Variants in MAML3 observed in about 807,000 individuals in gnomAD.
MAML3 encodes the protein mastermind-like protein 3.
Under a neutral mutation model 101.9 loss-of-function variants are expected in MAML3, and 27 were observed. The ratio of observed to expected loss-of-function variants is 0.27; its 90% CI spans 0.20 to 0.37. The LOEUF is 0.37. MAML3 is among the 10% of genes least tolerant of loss of function. The probability of loss-of-function intolerance (pLI) is 1.00; values close to 1 mark genes in which losing one functional copy is unlikely to be tolerated. For missense variants in MAML3, 1,316 were observed against 1,444.9 expected (o/e 0.91, Z 1.45); for synonymous variants, 501 against 555.9 (o/e 0.90, Z 1.39).
In MAML3 at chr4:139,974,602, C is replaced by T. The variant is rs889612454; in HGVS notation, c.469-83635G>A. On this transcript the variant is annotated intron_variant, in intron 1 of 4. Transcript: ENST00000509479. ...ACATTGCTGGGCTTCTATTTCCTCA[C>T]TGGTAAAATGAAGGAGTCAGAAGAG... is the stretch of plus-strand genomic sequence containing the variant. Among the ~76,000 whole-genome samples the T allele has an allele frequency of 5.3e-5, 8 of 152,078 alleles. No homozygotes were observed. The South Asian group carries it at 6.2e-4, about 12-fold the overall frequency.
chr4:139,963,273 A>T (rs1016718209), intron 1 of MAML3, among the ~76,000 whole-genome samples: 3 of 152,188 alleles, frequency 2.0e-5, no homozygotes, highest in Non-Finnish European at 4.4e-5. Context: ...TAACTAAATA[A>T]ATAAACAAAC....
At chr4:139,939,924 C>T (rs1232299783) in intron 1 of MAML3, among the ~76,000 whole-genome samples, 1 of 152,110 alleles carries the variant, frequency 6.6e-6, no homozygotes, top group Non-Finnish European at 1.5e-5. Context: ...GCCACCACAC[C>T]CAGCTAATTT....
intron 1 of MAML3, among the ~76,000 whole-genome samples, chr4:139,892,906 G>A (rs1387584595): frequency 1.3e-5 from 2 of 150,206 alleles, no homozygotes; most frequent in Non-Finnish European, 3.0e-5. Context: ...ACTCCAGCCT[G>A]GGTGATAGAG....
intron 2 of MAML3, among the ~76,000 whole-genome samples, chr4:139,734,957 G>A (rs543526861): frequency 1.3e-5 from 2 of 152,362 alleles, no homozygotes; most frequent in East Asian, 1.9e-4. Context: ...AGCAGCTGCC[G>A]TTCTTCCCGC....
chr4:139,937,321 A>G (rs1733526255), intron 1 of MAML3, among the ~76,000 whole-genome samples: 1 of 152,130 alleles, frequency 6.6e-6, no homozygotes, highest in Non-Finnish European at 1.5e-5. Context: ...AAGATTTCAT[A>G]TTATTGATGA....
At chr4:139,994,089 T>C (rs1185418174) in intron 1 of MAML3, among the ~76,000 whole-genome samples, 1 of 152,222 alleles carries the variant, frequency 6.6e-6, no homozygotes, top group Non-Finnish European at 1.5e-5. Context: ...TGAAAGACAA[T>C]AGTTTTCTCC....
intron 1 of MAML3, among the ~76,000 whole-genome samples, chr4:140,044,719 G>A (rs1727151263): frequency 6.6e-6 from 1 of 152,136 alleles, no homozygotes; most frequent in Non-Finnish European, 1.5e-5. Context: ...ATGGTAAAAT[G>A]CTTATGCCTG....
At chr4:139,840,128 A>G (rs1731335750) in intron 2 of MAML3, among the ~76,000 whole-genome samples, 2 of 152,228 alleles carry the variant, frequency 1.3e-5, no homozygotes, top group Admixed American at 6.5e-5. Context: ...AAAGACCTGG[A>G]TGGAGACTGC....
intron 2 of MAML3, among the ~76,000 whole-genome samples, chr4:139,815,068 G>A (rs795992): frequency 0.75 from 114,455 of 152,086 alleles, 43,114 homozygotes; most frequent in South Asian, 0.83. Flanking sequence ...CCACATGAGA[G>A]CCAAAACCTA....
chr4:139,904,071 TTAC>T (rs1732773936), intron 1 of MAML3, among the ~76,000 whole-genome samples: 1 of 152,184 alleles, frequency 6.6e-6, no homozygotes, highest in South Asian at 2.1e-4. Flanking sequence ...CCCCATCCTC[TTAC>T]TACCACAGCA....
chr4:139,834,294 T>C (rs1312274694), intron 2 of MAML3, among the ~76,000 whole-genome samples: 1 of 152,254 alleles, frequency 6.6e-6, no homozygotes, highest in African/African-American at 2.4e-5. Context: ...TGATCTTTCT[T>C]CCTCTTGCAA....
At chr4:139,863,936 G>A (rs1480322901) in intron 2 of MAML3, among the ~76,000 whole-genome samples, 1 of 146,688 alleles carries the variant, frequency 6.8e-6, no homozygotes, top group African/African-American at 2.5e-5. Flanking sequence ...TGCAAGAGCA[G>A]ACAAGTTTCC....
At chr4:139,994,216 A>T (rs967555781) in intron 1 of MAML3, among the ~76,000 whole-genome samples, 1 of 152,162 alleles carries the variant, frequency 6.6e-6, no homozygotes, top group African/African-American at 2.4e-5. Flanking sequence ...CTCTCCATTT[A>T]CTAAGATCTT....
intron 2 of MAML3, among the ~76,000 whole-genome samples, chr4:139,851,773 A>G (rs1731559398): frequency 6.6e-6 from 1 of 152,246 alleles, no homozygotes; most frequent in Non-Finnish European, 1.5e-5. Context: ...GCGCATAGGT[A>G]TATGTGCTCA....
chr4:139,902,092 C>T (rs1263530928), intron 1 of MAML3, among the ~76,000 whole-genome samples: 1 of 152,122 alleles, frequency 6.6e-6, no homozygotes. Context: ...CTCGTGTTTC[C>T]CTCAAAGAGG....
chr4:140,037,130 G>A (rs1726999209), intron 1 of MAML3, among the ~76,000 whole-genome samples: 1 of 151,316 alleles, frequency 6.6e-6, no homozygotes, highest in South Asian at 2.1e-4. Context: ...CAGTTCAGTA[G>A]ATTACTGGGA....
At chr4:140,014,026 C>T (rs1307232974) in intron 1 of MAML3, among the ~76,000 whole-genome samples, 1 of 152,196 alleles carries the variant, frequency 6.6e-6, no homozygotes, top group Non-Finnish European at 1.5e-5. Flanking sequence ...CAAAGCCAAT[C>T]GCTGCAGGAG....
chr4:139,739,860 T>C (rs1729099870), intron 2 of MAML3, among the ~76,000 whole-genome samples: 1 of 152,088 alleles, frequency 6.6e-6, no homozygotes, highest in Non-Finnish European at 1.5e-5. Context: ...AGTATTATTT[T>C]TAAAAGCTTG....
At chr4:139,938,001 G>A (rs867278374) in intron 1 of MAML3, among the ~76,000 whole-genome samples, 1 of 152,182 alleles carries the variant, frequency 6.6e-6, no homozygotes, top group South Asian at 2.1e-4. Context: ...TTTAGTGGCT[G>A]TCTGCAAGGT....
Sources: allele counts gnomAD v4.1 joint callset (sites outside exome capture counted in the v4.1 genomes callset), GRCh38; gene constraint gnomAD v4.1.1; transcripts MANE v1.5; gene names NCBI Gene and HGNC (gene_info 2026-07-23, HGNC 2026-07-21).